SSBP3: variants seen among roughly 807,000 people sequenced by gnomAD.
The protein encoded by SSBP3 is single stranded DNA binding protein 3.
In SSBP3, 5 loss-of-function variants were observed where a neutral mutation model predicts 69.6. That is an observed-to-expected ratio of 0.07 (90% confidence interval 0.04 to 0.15). The LOEUF (loss-of-function observed/expected upper bound fraction) is 0.15. Ranked by LOEUF, SSBP3 falls within the 10% of genes least tolerant of loss-of-function variation. The probability of loss-of-function intolerance (pLI) is 1.00; values close to 1 mark genes in which losing one functional copy is unlikely to be tolerated. For synonymous variants in SSBP3, 196 were observed against 193.4 expected, an observed-to-expected ratio of 1.01 and a Z score of -0.11; for missense variants, 312 against 534.0, an observed-to-expected ratio of 0.58 and a Z score of 4.10.
chr1:54,355,378 C>T (rs1242029940), intron 4 of SSBP3, among the ~76,000 whole-genome samples: 1 of 152,176 alleles, frequency 6.6e-6, no homozygotes, highest in Non-Finnish European at 1.5e-5. Flanking sequence ...GAGACAGGGT[C>T]TCACTCTGTC....
At chr1:54,321,622 T>C (rs1251244083) in intron 4 of SSBP3, among the ~76,000 whole-genome samples, 1 of 152,222 alleles carries the variant, frequency 6.6e-6, no homozygotes, top group Non-Finnish European at 1.5e-5. Context: ...GGGAAATCGA[T>C]ATGAAACCTA....
chr1:54,265,656 C>T (rs994435625), intron 5 of SSBP3, among the ~76,000 whole-genome samples: 3 of 152,292 alleles, frequency 2.0e-5, no homozygotes, highest in South Asian at 2.1e-4. Context: ...CTTCCTGGGA[C>T]GGTGGGGAAG....
At chr1:54,278,836 G>T (rs529701901) in intron 5 of SSBP3, among the ~76,000 whole-genome samples, 6 of 152,242 alleles carry the variant, frequency 3.9e-5, no homozygotes, top group Admixed American at 3.9e-4. Flanking sequence ...TAAAATCCTC[G>T]ATACCATCTC....
chr1:54,276,812 C>T (rs1645297107), intron 5 of SSBP3, among the ~76,000 whole-genome samples: 1 of 152,014 alleles, frequency 6.6e-6, no homozygotes, highest in Admixed American at 6.5e-5. Context: ...CAACAAGGTC[C>T]TTCAACAATT....
intron 4 of SSBP3, among the ~76,000 whole-genome samples, chr1:54,362,211 C>T (rs921125739): frequency 3.3e-5 from 5 of 152,206 alleles, no homozygotes; most frequent in African/African-American, 9.6e-5. Context: ...CATTCATCTC[C>T]TCATGCTAGA....
intron 14 of SSBP3, among the ~76,000 whole-genome samples, chr1:54,233,730 C>T (rs1332499578): frequency 7.4e-5 from 11 of 148,836 alleles, no homozygotes; most frequent in African/African-American, 1.7e-4. Context: ...GTCAGCCCCC[C>T]GCCCAGCCAG....
rs543738689 is a variant in SSBP3 at position 54,240,811 on chromosome 1, C to T, written c.856+94G>A. The T allele has an allele frequency of 1.5e-5, 23 of 1,531,480 alleles. No individual in the cohort carries two copies. In the South Asian group the frequency reaches 2.5e-4, roughly 17 times the overall value. The allele number at this position is 1,531,480 out of a possible 1,614,324, so 94.9% of individuals were successfully genotyped here. On this transcript the variant is annotated intron_variant, in intron 13 of 17. Transcript: ENST00000610401. ...TGCCCAGGAAGGAGTGGCTGGTAAG[C>T]TCTGGCTCTGCAACAGTGCCCCTCC...
At chr1:54,365,530 T>C (rs371844656) in intron 4 of SSBP3, among the ~76,000 whole-genome samples, 7 of 152,308 alleles carry the variant, frequency 4.6e-5, no homozygotes, top group Admixed American at 2.0e-4. Context: ...AGCTACTAAG[T>C]GGCCTGAGCA....
intron 4 of SSBP3, among the ~76,000 whole-genome samples, chr1:54,400,723 GTCTC>G (rs2100810151): frequency 6.6e-6 from 1 of 152,364 alleles, no homozygotes; most frequent in African/African-American, 2.4e-5. Flanking sequence ...CACCACCTGA[GTCTC>G]TAACTCCTCA....
chr1:54,407,813 C>T (rs933523761), upstream of SSBP3, among the ~76,000 whole-genome samples: 1 of 148,280 alleles, frequency 6.7e-6, no homozygotes, highest in African/African-American at 2.5e-5. Flanking sequence ...AACGCCCCTC[C>T]CCCTAACATG....
rs112935302 is a variant in SSBP3, at chr1:54,346,137, G to A, written c.276+55724C>T. ...GAGATCGTGCCATTGCACTCCAGCC[G>A]TGTGACAGAGTAAGACTTCATCTCA... is the stretch of plus-strand genomic sequence containing the variant. On this transcript the variant is annotated intron_variant, in intron 4 of 17. Transcript: ENST00000610401. Among the ~76,000 whole-genome samples the A allele has an allele frequency of 8.3e-3, 1,250 of 150,710 alleles. 7 individuals are homozygous for A. Among genetic ancestry groups the A allele is most frequent in the Non-Finnish European group, 0.013 (881 of 67,622 alleles).
chr1:54,292,977 T>C (rs1645635423), intron 4 of SSBP3, among the ~76,000 whole-genome samples: 1 of 151,940 alleles, frequency 6.6e-6, no homozygotes, highest in Non-Finnish European at 1.5e-5. Flanking sequence ...GGATGGTGAC[T>C]GGATGGTTTG....
At chr1:54,378,712 G>C (rs1209453475) in intron 4 of SSBP3, among the ~76,000 whole-genome samples, 1 of 152,200 alleles carries the variant, frequency 6.6e-6, no homozygotes, top group Non-Finnish European at 1.5e-5. Context: ...AGGGGAGTGA[G>C]GCCCGGGGCT....
intron 4 of SSBP3, among the ~76,000 whole-genome samples, chr1:54,314,181 G>T (rs905299406): frequency 6.6e-6 from 1 of 152,190 alleles, no homozygotes; most frequent in African/African-American, 2.4e-5. Context: ...CAGCACCCAA[G>T]GTAAAACGTA....
At chr1:54,285,449 T>TAC (rs1373911853) in intron 4 of SSBP3, 1 of 152,170 alleles carries the variant, frequency 6.6e-6, no homozygotes, top group Non-Finnish European at 1.5e-5. Flanking sequence ...ACGTGAGGCA[T>TAC]ACAGCAGGTG....
intron 4 of SSBP3, among the ~76,000 whole-genome samples, chr1:54,394,764 G>A (rs1484737503): frequency 7.1e-6 from 1 of 141,414 alleles, no homozygotes; most frequent in Non-Finnish European, 1.5e-5. Flanking sequence ...GTGCAATGGC[G>A]CCATCTCGGC....
intron 5 of SSBP3, among the ~76,000 whole-genome samples, chr1:54,278,873 C>T (rs1171542244): frequency 2.6e-5 from 4 of 152,204 alleles, no homozygotes; most frequent in African/African-American, 7.2e-5. Flanking sequence ...TCAGAGTGGC[C>T]GGCTGCAATA....
rs1646268932 is a variant in SSBP3, at chr1:54,324,597, A to C, written c.277-43070T>G. ...ATCACCAAGGCTGGAGAGGCCGAGGAGAGAAGGCCAGCCTGATTTACAGAA... is the reference window on the plus strand; with the variant it reads ...ATCACCAAGGCTGGAGAGGCCGAGGCGAGAAGGCCAGCCTGATTTACAGAA... On this transcript the variant is annotated intron_variant, in intron 4 of 17. Transcript: ENST00000610401. Among the ~76,000 whole-genome samples the C allele has an allele frequency of 2.0e-5, 3 of 152,328 alleles. No homozygotes were observed. In the South Asian group the frequency reaches 6.2e-4, roughly 32 times the overall value.
Position 54,296,302 on chromosome 1 carries a change from G to A in SSBP3, c.277-14775C>T, listed in dbSNP as rs1189942453. Among the ~76,000 whole-genome samples, 10 of 152,342 alleles carry A rather than the reference G, an allele frequency of 6.6e-5. No individual in the cohort carries two copies. The East Asian group carries it at 1.3e-3, about 21-fold the overall frequency. On this transcript the variant is annotated intron_variant, in intron 4 of 17. Transcript: ENST00000610401. ...AGATCTGAATGTGAATGCTGGTTCCGTTCCTAGCCTGAAACTTGCAAGTCA... is the reference window on the plus strand; with the variant it reads ...AGATCTGAATGTGAATGCTGGTTCCATTCCTAGCCTGAAACTTGCAAGTCA...
Sources: allele counts gnomAD v4.1 joint callset (sites outside exome capture counted in the v4.1 genomes callset), GRCh38; gene constraint gnomAD v4.1.1; transcripts MANE v1.5; gene names NCBI Gene and HGNC (gene_info 2026-07-23, HGNC 2026-07-21).